ZFPM1: variants seen among roughly 807,000 people sequenced by gnomAD.
ZFPM1 encodes the protein zinc finger protein, FOG family member 1, also known as zinc finger protein ZFPM1.
A neutral mutation model predicts 46.3 loss-of-function variants in ZFPM1; 28 were observed. The ratio of observed to expected loss-of-function variants is 0.60; its 90% CI spans 0.45 to 0.83. The LOEUF (loss-of-function observed/expected upper bound fraction) is 0.83. ZFPM1 is among the 40% of genes least tolerant of loss of function. The pLI, the probability that ZFPM1 is intolerant of heterozygous loss-of-function variation, is 0.00. For synonymous variants in ZFPM1, 957 were observed against 675.9 expected, an observed-to-expected ratio of 1.42 and a Z score of -6.45; for missense variants, 1,878 against 1,432.4, an observed-to-expected ratio of 1.31 and a Z score of -5.02.
chr16:88,532,347 C>G, intron 7 of ZFPM1, 112 bp downstream of exon 7: 2 of 1,140,594 alleles, frequency 1.8e-6, no homozygotes, highest in South Asian at 3.2e-5. Context: ...CACCATTCAC[C>G]TGCGCGGTCT....
At chr16:88,474,758 A>G (rs147504550) in intron 1 of ZFPM1, among the ~76,000 whole-genome samples, 3,949 of 152,262 alleles carry the variant, frequency 0.026, 76 homozygotes, top group Middle Eastern at 0.048. Context: ...TCCCACACAT[A>G]GGATGTTCAT....
intron 3 of ZFPM1, among the ~76,000 whole-genome samples, chr16:88,505,640 A>G (rs915883089): frequency 1.3e-5 from 2 of 152,012 alleles, no homozygotes; most frequent in Non-Finnish European, 2.9e-5. Flanking sequence ...GCATCACCAT[A>G]CCTGGCATCT....
chr16:88,534,083 C>G lies in ZFPM1; in HGVS notation c.2125C>G (p.Arg709Gly). ...GCACAAGCGGTACTACTGCGCCTCGCGCCACGACCCGCCGCCGCGCCGACC... is the reference window on the plus strand; with the variant it reads ...GCACAAGCGGTACTACTGCGCCTCGGGCCACGACCCGCCGCCGCGCCGACC... ...TVHKRYYCAS[R>G]HDPPPRRPAA... is the part of the protein sequence containing the mutation. The change falls in exon 10 of 10, where the codon CGC (arginine) becomes GGC (glycine). Residue 709 changes from arginine (R) to glycine (G), a missense_variant. Physicochemically the swap from Arg to Gly is moderately radical, Grantham distance 125. Coordinates refer to ENST00000319555, the MANE Select transcript of ZFPM1 (RefSeq NM_153813.3). The G allele has an allele frequency of 8.2e-7, 1 of 1,217,536 alleles. No individual in the cohort carries two copies. The highest frequency in any genetic ancestry group is 1.6e-5 in the African/African-American group (1 of 61,390). The allele number at this position is 1,217,536 out of a possible 1,614,324, so 75.4% of individuals were successfully genotyped here.
chr16:88,489,146 C>T lies in ZFPM1; in HGVS notation c.261C>T (p.Ser87=), dbSNP rs141675798. 4.1e-5 allele frequency: 66 copies of T among 1,602,076 alleles called. No individual in the cohort carries two copies. Among genetic ancestry groups the T allele is most frequent in the South Asian group, 3.3e-4 (30 of 89,854 alleles). ...AGGAAGAGCCGGGCAGTCCCTGGAG[C>T]GGGCCAGGTAACCACGCGGGTGGTG... ...PTEEEPGSPW[S]GPDELEPVVQ... Residue 87 remains serine (S), a synonymous_variant, in exon 3 of 10, where the codon AGC becomes AGT. Transcript: ENST00000319555.
chr16:88,469,968 G>T lies in ZFPM1; in HGVS notation c.41-15971G>T, dbSNP rs929568375. Among the ~76,000 whole-genome samples, 2 of 152,102 alleles carry T rather than the reference G, an allele frequency of 1.3e-5. No homozygotes were observed. Among genetic ancestry groups the T allele is most frequent in the Non-Finnish European group, 2.9e-5 (2 of 68,010 alleles). Reference sequence around the variant, plus strand: ...AGAGGGGTCTCCACACATGCAGGCAGCTCTGTCCTCTCCCAGGACAGCTTG... The same window carrying T: ...AGAGGGGTCTCCACACATGCAGGCATCTCTGTCCTCTCCCAGGACAGCTTG... On this transcript the variant is annotated intron_variant, in intron 1 of 9. Coordinates refer to ENST00000319555, the MANE Select transcript of ZFPM1 (RefSeq NM_153813.3). The surrounding 1 kb of genome is among the most constrained non-coding windows in gnomAD (Gnocchi z 4.3).
At chr16:88,493,463 G>A (rs553745768) in intron 3 of ZFPM1, among the ~76,000 whole-genome samples, 90 of 104,892 alleles carry the variant, frequency 8.6e-4, no homozygotes, top group African/African-American at 3.5e-3. Flanking sequence ...CGGGCTGCGG[G>A]GAGCTGTCCC....
At chr16:88,511,161 G>T (rs955739898) in intron 3 of ZFPM1, among the ~76,000 whole-genome samples, 1 of 152,188 alleles carries the variant, frequency 6.6e-6, no homozygotes, top group African/African-American at 2.4e-5. Flanking sequence ...TGACAGGCCC[G>T]CCCTCAGAGC....
chr16:88,508,030 C>T (rs12448159), intron 3 of ZFPM1, among the ~76,000 whole-genome samples: 8,739 of 152,308 alleles, frequency 0.057, 296 homozygotes, highest in South Asian at 0.13. Context: ...GGCACGGTGG[C>T]TCACACCTGT....
chr16:88,525,165 G>A (rs532026819), intron 4 of ZFPM1, among the ~76,000 whole-genome samples: 5 of 152,202 alleles, frequency 3.3e-5, no homozygotes, highest in East Asian at 3.9e-4. Context: ...CCCTGCATAC[G>A]GGTCTGGTCG....
chr16:88,506,226 A>G (rs1233768644), intron 3 of ZFPM1, among the ~76,000 whole-genome samples: 2 of 90,934 alleles, frequency 2.2e-5, no homozygotes, highest in African/African-American at 5.4e-5. Context: ...GGGCAGGGGC[A>G]GGGAGACCAG....
intron 4 of ZFPM1, among the ~76,000 whole-genome samples, chr16:88,523,825 C>G (rs1206974751): frequency 1.3e-5 from 2 of 152,196 alleles, no homozygotes; most frequent in African/African-American, 2.4e-5. Context: ...CGGATGGGAG[C>G]CTCACCCTCC....
chr16:88,493,477 G>A (rs1422882025), intron 3 of ZFPM1, among the ~76,000 whole-genome samples: 1 of 141,778 alleles, frequency 7.1e-6, no homozygotes, highest in African/African-American at 2.7e-5. Flanking sequence ...CTGTCCCGGG[G>A]TGGGGAGAGC....
intron 4 of ZFPM1, among the ~76,000 whole-genome samples, chr16:88,517,727 T>C (rs1911437657): frequency 8.0e-6 from 1 of 124,634 alleles, no homozygotes; most frequent in South Asian, 2.6e-4. Context: ...GGTGGATAGA[T>C]GGATGGATGA....
At chr16:88,491,486 T>C (rs1909571572) in intron 3 of ZFPM1, among the ~76,000 whole-genome samples, 1 of 152,176 alleles carries the variant, frequency 6.6e-6, no homozygotes, top group South Asian at 2.1e-4. Context: ...TCCACCGTCA[T>C]GCGGCTGGGA....
intron 5 of ZFPM1, among the ~76,000 whole-genome samples, chr16:88,527,179 G>A (rs1166821925): frequency 6.6e-6 from 1 of 152,148 alleles, no homozygotes; most frequent in Non-Finnish European, 1.5e-5. Flanking sequence ...GGAGGATTCT[G>A]CCCCTCTGGG....
intron 3 of ZFPM1, among the ~76,000 whole-genome samples, chr16:88,498,482 G>C (rs180882045): frequency 6.6e-6 from 1 of 152,236 alleles, no homozygotes; most frequent in Non-Finnish European, 1.5e-5. Context: ...TTCAACCAGC[G>C]TGTGTATGAG....
intron 3 of ZFPM1, among the ~76,000 whole-genome samples, chr16:88,506,913 C>G (rs915254659): frequency 1.3e-5 from 2 of 152,256 alleles, no homozygotes; most frequent in South Asian, 2.1e-4. Flanking sequence ...GGCTCCGTCT[C>G]CCTTCTCGCT....
At chr16:88,499,365 ACCT>A (rs1910120619) in intron 3 of ZFPM1, among the ~76,000 whole-genome samples, 2 of 152,030 alleles carry the variant, frequency 1.3e-5, no homozygotes, top group African/African-American at 2.4e-5. Flanking sequence ...AGGAAAACAG[ACCT>A]CCTCCAGAGC....
At chr16:88,496,911 C>T (rs1352716812) in intron 3 of ZFPM1, among the ~76,000 whole-genome samples, 1 of 152,232 alleles carries the variant, frequency 6.6e-6, no homozygotes, top group East Asian at 1.9e-4. Context: ...GGTGAGGTGG[C>T]TTCGCCACAG....
Sources: gnomAD v4.1 joint callset for allele counts (sites outside exome capture counted in the v4.1 genomes callset) on GRCh38, gnomAD v4.1.1 for gene constraint, Gnocchi (gnomAD v3.1) non-coding constraint, MANE v1.5 for transcripts, NCBI Gene and HGNC (gene_info 2026-07-23, HGNC 2026-07-21) for gene names.